Variants in KCND2 observed in about 807,000 individuals in gnomAD.
KCND2 encodes A-type voltage-gated potassium channel KCND2.
A neutral mutation model predicts 54.4 loss-of-function variants in KCND2; 16 were observed. The ratio of observed to expected loss-of-function variants is 0.29; its 90% CI spans 0.20 to 0.45. The LOEUF (loss-of-function observed/expected upper bound fraction) is 0.45. KCND2 is among the 20% of genes least tolerant of loss of function. The pLI, the probability that KCND2 is intolerant of heterozygous loss-of-function variation, is 1.00. For missense variants in KCND2, 486 were observed against 824.2 expected, an observed-to-expected ratio of 0.59 and a Z score of 5.02; for synonymous variants, 317 against 310.7, an observed-to-expected ratio of 1.02 and a Z score of -0.21.
chr7:120,519,272 C>G (rs1186824542), intron 1 of KCND2, among the ~76,000 whole-genome samples: 1 of 152,022 alleles, frequency 6.6e-6, no homozygotes, highest in South Asian at 2.1e-4. Context: ...ACCCACGAGA[C>G]TGAGGCTGAG....
intron 1 of KCND2, among the ~76,000 whole-genome samples, chr7:120,608,483 T>C (rs1792911378): frequency 6.6e-6 from 1 of 152,138 alleles, no homozygotes; most frequent in Non-Finnish European, 1.5e-5. Flanking sequence ...CTTCTTCCAG[T>C]TTCTTCAGCC....
At chr7:120,495,009 T>G (rs1213757852) in intron 1 of KCND2, among the ~76,000 whole-genome samples, 3 of 152,202 alleles carry the variant, frequency 2.0e-5, no homozygotes, top group Non-Finnish European at 2.9e-5. Context: ...GGTGCTGTGT[T>G]GCCACAAGTA....
In KCND2 at chr7:120,581,747, C is replaced by T. The variant is rs1248673156; in HGVS notation, c.1116-151156C>T. Among the ~76,000 whole-genome samples, 4 of 151,752 alleles carry T rather than the reference C, an allele frequency of 2.6e-5. No homozygotes were observed. The South Asian group carries it at 6.2e-4, about 24-fold the overall frequency. ...TTTTTTTTTTTGATGGAGTCTTCCT[C>T]GGTGCCCAGGCTGGAGTGCAACGGT... On this transcript the variant is annotated intron_variant, in intron 1 of 5. Coordinates refer to ENST00000331113, the MANE Select transcript of KCND2 (RefSeq NM_012281.3).
chr7:120,702,290 A>G (rs921610957), intron 1 of KCND2, among the ~76,000 whole-genome samples: 1 of 152,166 alleles, frequency 6.6e-6, no homozygotes, highest in African/African-American at 2.4e-5. Flanking sequence ...TCAAAAACAT[A>G]GCAGATGTTT....
intron 1 of KCND2, among the ~76,000 whole-genome samples, chr7:120,560,647 C>T (rs755445364): frequency 1.3e-5 from 2 of 152,160 alleles, no homozygotes; most frequent in Admixed American, 6.5e-5. Context: ...TAAAGAGCTA[C>T]CTTCCATAAA....
intron 1 of KCND2, among the ~76,000 whole-genome samples, chr7:120,450,661 A>G (rs989533140): frequency 5.3e-5 from 8 of 152,198 alleles, no homozygotes; most frequent in Admixed American, 5.2e-4. Flanking sequence ...CTGACTTAGA[A>G]TCATTAAAAG....
rs559593351 is a variant in KCND2, at chr7:120,602,941, C to A, written c.1116-129962C>A. Among the ~76,000 whole-genome samples the A allele has an allele frequency of 3.3e-5, 5 of 152,308 alleles. No individual in the cohort carries two copies. The East Asian group carries it at 9.6e-4, about 29-fold the overall frequency. ...GGGACAAAGGTGAGAAGGAACTCAA[C>A]ACAAATTGTGTGAGGAATTCAATTA... On this transcript the variant is annotated intron_variant, in intron 1 of 5. Transcript: ENST00000331113.
intron 1 of KCND2, among the ~76,000 whole-genome samples, chr7:120,313,741 A>ATTTTTTTTT (rs386411129): frequency 7.6e-6 from 1 of 132,262 alleles, no homozygotes; most frequent in Non-Finnish European, 1.6e-5. Flanking sequence ...GTCTCCTGGG[A>ATTTTTTTTT]TTTTTTTTTT....
At chr7:120,459,059 A>G (rs933205955) in intron 1 of KCND2, among the ~76,000 whole-genome samples, 3 of 152,044 alleles carry the variant, frequency 2.0e-5, no homozygotes, top group African/African-American at 7.2e-5. Flanking sequence ...TGAAGCATTT[A>G]AAGTTGAAAT....
chr7:120,373,889 A>AT (rs1443080129), intron 1 of KCND2, among the ~76,000 whole-genome samples: 1 of 151,802 alleles, frequency 6.6e-6, no homozygotes, highest in African/African-American at 2.4e-5. Flanking sequence ...TCCATTATGA[A>AT]TTTTTAAAAA....
At chr7:120,477,642 A>G (rs944662898) in intron 1 of KCND2, among the ~76,000 whole-genome samples, 1 of 142,968 alleles carries the variant, frequency 7.0e-6, no homozygotes, top group East Asian at 1.9e-4. Context: ...TAATTGGATG[A>G]AAAAAAAGAA....
rs117783629 is a variant in KCND2, at chr7:120,647,325, G to A, written c.1116-85578G>A. ...TGAACTCAGTTCTCTGTGGCTGGCT[G>A]GAGTTATAAGGATGGAACTTTCAAA... is the stretch of plus-strand genomic sequence containing the variant. On this transcript the variant is annotated intron_variant, in intron 1 of 5. Transcript: ENST00000331113. Among the ~76,000 whole-genome samples the A allele has an allele frequency of 6.0e-3, 908 of 152,284 alleles. 14 individuals are homozygous for A. In the East Asian group the frequency reaches 0.069, roughly 12 times the overall value.
At chr7:120,468,423 C>T (rs886581368) in intron 1 of KCND2, among the ~76,000 whole-genome samples, 4 of 151,980 alleles carry the variant, frequency 2.6e-5, no homozygotes, top group African/African-American at 9.7e-5. Context: ...TAAAAGGTGT[C>T]CTTCTGAACA....
chr7:120,561,740 T>C (rs936258761), intron 1 of KCND2, among the ~76,000 whole-genome samples: 19 of 150,956 alleles, frequency 1.3e-4, no homozygotes, highest in Non-Finnish European at 2.1e-4. Flanking sequence ...GCCTCACAAG[T>C]AGCTAGGATT....
intron 1 of KCND2, among the ~76,000 whole-genome samples, chr7:120,603,300 T>C (rs1792837526): frequency 6.6e-6 from 1 of 152,178 alleles, no homozygotes; most frequent in African/African-American, 2.4e-5. Context: ...CTTTCTAGCT[T>C]CTCGACCTGG....
At position 120,421,098 on chromosome 7, in the gene KCND2, T is replaced by C. The variant is rs150793274; in HGVS notation, c.1115+145351T>C. ...TATGTCACTGAAATACAGTTAAAAT[T>C]ATGAAATTATCTTGCAATTGTTATA... On this transcript the variant is annotated intron_variant, in intron 1 of 5. Transcript: ENST00000331113. Among the ~76,000 whole-genome samples the C allele has an allele frequency of 2.9e-3, 441 of 152,296 alleles. 1 individual carries two copies. The highest frequency in any genetic ancestry group is 4.9e-3 in the Non-Finnish European group (335 of 68,012).
chr7:120,608,823 G>A (rs939863672), intron 1 of KCND2, among the ~76,000 whole-genome samples: 2 of 152,080 alleles, frequency 1.3e-5, no homozygotes, highest in Non-Finnish European at 2.9e-5. Flanking sequence ...GATGTTGCAC[G>A]ATAGATCTGC....
intron 1 of KCND2, among the ~76,000 whole-genome samples, chr7:120,447,711 A>G (rs1294356091): frequency 1.3e-5 from 2 of 152,228 alleles, no homozygotes; most frequent in African/African-American, 2.4e-5. Flanking sequence ...CAGTCTATAA[A>G]TATGACATTT....
rs554043647 is a variant in KCND2 at position 120,561,461 on chromosome 7, A to G, written c.1116-171442A>G. On this transcript the variant is annotated intron_variant, in intron 1 of 5. Transcript: ENST00000331113. ...TCCTCAAACCAATCCTATGAGGTAT[A>G]ACTATTGTCATCTGTATTTTACAGG... 7.2e-5 allele frequency among the ~76,000 whole-genome samples: 11 copies of G among 152,248 alleles called. No homozygotes were observed. In the South Asian group the frequency reaches 2.1e-3, roughly 29 times the overall value.
Sources: allele counts gnomAD v4.1 joint callset (sites outside exome capture counted in the v4.1 genomes callset), GRCh38; gene constraint gnomAD v4.1.1; transcripts MANE v1.5; gene names NCBI Gene and HGNC (gene_info 2026-07-23, HGNC 2026-07-21).